GLIS3: variants seen among roughly 807,000 people sequenced by gnomAD.
GLIS3 encodes the protein GLIS family zinc finger 3.
In GLIS3, 53 loss-of-function variants were observed where a neutral mutation model predicts 78.6. That is an observed-to-expected ratio of 0.67 (90% CI 0.54 to 0.85). The LOEUF is 0.85. GLIS3 is among the 40% of genes least tolerant of loss of function. GLIS3 has a pLI of 0.00. For synonymous variants in GLIS3, 684 were observed against 509.9 expected (o/e 1.34, Z -4.60); for missense variants, 1,703 against 1,231.1 (o/e 1.38, Z -5.74).
chr9:4,449,161 G>C, the GLIS3 span, among the ~76,000 whole-genome samples: 10 of 152,196 alleles, frequency 6.6e-5, no homozygotes, highest in Non-Finnish European at 1.2e-4. Context: ...CACACCAGGA[G>C]ATTATATACC....
At chr9:4,263,509 A>AG (rs1314764176) in intron 2 of GLIS3, among the ~76,000 whole-genome samples, 4 of 62,790 alleles carry the variant, frequency 6.4e-5, no homozygotes, top group Non-Finnish European at 1.4e-4. Flanking sequence ...GATTGCATTG[A>AG]GGCCAAAAAA....
chr9:3,932,525 G>C, intron 5 of GLIS3, 55 bp from the exon 6 acceptor site: 1 of 1,263,162 alleles, frequency 7.9e-7, no homozygotes, highest in Non-Finnish European at 1.2e-6. Context: ...AGGTAATTGG[G>C]GAATGTTTTA....
chr9:4,005,396 A>T (rs186576217), intron 4 of GLIS3, among the ~76,000 whole-genome samples: 1 of 152,328 alleles, frequency 6.6e-6, no homozygotes, highest in African/African-American at 2.4e-5. Context: ...GCACACATCC[A>T]TAGATACATG....
At chr9:4,090,768 T>C (rs1829432004) in intron 4 of GLIS3, among the ~76,000 whole-genome samples, 1 of 152,168 alleles carries the variant, frequency 6.6e-6, no homozygotes, top group African/African-American at 2.4e-5. Flanking sequence ...CGTGAAGTGG[T>C]AAACATAGCA....
chr9:4,254,575 C>G lies in GLIS3; in HGVS notation c.388+31463G>C, dbSNP rs192644529. On this transcript the variant is annotated intron_variant, in intron 2 of 10. Transcript: ENST00000381971. ...TAAGAAATGACCCAGCACGGTGGCTCACGTCTGTAATCCCAGCACTTTGGG... is the reference window on the plus strand; with the variant it reads ...TAAGAAATGACCCAGCACGGTGGCTGACGTCTGTAATCCCAGCACTTTGGG... 4.6e-5 allele frequency among the ~76,000 whole-genome samples: 7 copies of G among 152,294 alleles called. No homozygotes were observed. In the East Asian group the frequency reaches 1.4e-3, roughly 29 times the overall value.
At chr9:4,352,223 G>C (rs983258820), upstream of GLIS3, among the ~76,000 whole-genome samples, 2 of 152,172 alleles carry the variant, frequency 1.3e-5, no homozygotes. Flanking sequence ...AAACTCAGGC[G>C]ACACCCAGTT....
chr9:4,404,407 C>T, the GLIS3 span, among the ~76,000 whole-genome samples: 1 of 152,120 alleles, frequency 6.6e-6, no homozygotes, highest in Non-Finnish European at 1.5e-5. Context: ...CATCCAACAG[C>T]TGCAGAATAT....
intron 4 of GLIS3, among the ~76,000 whole-genome samples, chr9:4,096,165 AC>A (rs2130778959): frequency 6.6e-6 from 1 of 152,348 alleles, no homozygotes; most frequent in African/African-American, 2.4e-5. Context: ...ATTTAAAAAA[AC>A]AAAACAAAAC....
At chr9:4,034,716 T>C (rs1254365019) in intron 4 of GLIS3, 2 of 152,340 alleles carry the variant, frequency 1.3e-5, no homozygotes, top group Non-Finnish European at 2.9e-5. Flanking sequence ...GTATCTGCCT[T>C]TCTGCCCTCA....
chr9:3,984,177 T>C (rs559480259), intron 4 of GLIS3, among the ~76,000 whole-genome samples: 141 of 152,216 alleles, frequency 9.3e-4, no homozygotes, highest in African/African-American at 3.3e-3. Flanking sequence ...CTTAGCAGAG[T>C]TGTGAGAAGA....
At chr9:4,230,513 G>A (rs913494284) in intron 2 of GLIS3, among the ~76,000 whole-genome samples, 4 of 152,088 alleles carry the variant, frequency 2.6e-5, no homozygotes, top group Admixed American at 2.0e-4. Flanking sequence ...CTATTATTTG[G>A]GGCCCCAGGG....
At chr9:4,120,905 G>A (rs1032907077) in intron 3 of GLIS3, among the ~76,000 whole-genome samples, 10 of 152,248 alleles carry the variant, frequency 6.6e-5, no homozygotes, top group African/African-American at 2.2e-4. Flanking sequence ...ATAGTGAAAC[G>A]TTCATTTGCT....
chr9:4,350,789 G>GATTT (rs1817960474), upstream of GLIS3, among the ~76,000 whole-genome samples: 1 of 147,940 alleles, frequency 6.8e-6, no homozygotes, highest in Admixed American at 6.7e-5. Context: ...AAAACATCAG[G>GATTT]GTTTGTTTTG....
intron 2 of GLIS3, among the ~76,000 whole-genome samples, chr9:4,243,512 C>T (rs577230514): frequency 2.6e-5 from 4 of 152,270 alleles, no homozygotes; most frequent in South Asian, 2.1e-4. Flanking sequence ...ATTTTAATTT[C>T]GCATTCTCTC....
chr9:4,192,895 T>C (rs2038545), intron 2 of GLIS3, among the ~76,000 whole-genome samples: 44,812 of 150,258 alleles, frequency 0.3, 7,184 homozygotes, highest in South Asian at 0.49. Context: ...GGAAGGGAGG[T>C]CAAGGCCTCA....
chr9:4,021,686 G>C (rs1588469702), intron 4 of GLIS3, among the ~76,000 whole-genome samples: 1 of 152,194 alleles, frequency 6.6e-6, no homozygotes, highest in East Asian at 1.9e-4. Context: ...CGTTCCTCCT[G>C]GGATACCTTG....
chr9:4,303,053 C>G (rs1817132538), upstream of GLIS3, among the ~76,000 whole-genome samples: 1 of 152,170 alleles, frequency 6.6e-6, no homozygotes, highest in Admixed American at 6.5e-5. Context: ...AGCAATGAAA[C>G]TCTCCCGAAG....
At chr9:4,333,705 G>A (rs1013895252) in intron 2 of GLIS3, among the ~76,000 whole-genome samples, 1 of 151,988 alleles carries the variant, frequency 6.6e-6, no homozygotes. Flanking sequence ...GTGAAGGGTG[G>A]CTCTAGACGT....
At chr9:4,187,719 G>T (rs534127351) in intron 2 of GLIS3, among the ~76,000 whole-genome samples, 24 of 152,266 alleles carry the variant, frequency 1.6e-4, no homozygotes, top group Admixed American at 1.0e-3. Context: ...CACATCCCTT[G>T]TAAGTTGGAT....
Sources: gnomAD v4.1 joint callset for allele counts (sites outside exome capture counted in the v4.1 genomes callset) on GRCh38, gnomAD v4.1.1 for gene constraint, MANE v1.5 for transcripts, NCBI Gene and HGNC (gene_info 2026-07-23, HGNC 2026-07-21) for gene names.